The following EYS variants were observed in gnomAD, a reference collection of about 807,000 sequenced individuals.
The protein encoded by EYS is protein eyes shut homolog.
Under a neutral mutation model 282.1 loss-of-function variants are expected in EYS, and 250 were observed. The observed-to-expected ratio is 0.89, with a 90% CI of 0.80 to 0.98. The LOEUF is 0.98. Ranked by LOEUF, EYS falls within the 50% of genes least tolerant of loss-of-function variation. EYS has a pLI of 0.00. For missense variants in EYS, 4,016 were observed against 3,709.0 expected (o/e 1.08, Z -2.15); for synonymous variants, 1,355 against 1,282.9 (o/e 1.06, Z -1.20).
intron 5 of EYS, among the ~76,000 whole-genome samples, chr6:65,421,616 T>C (rs1369748765): frequency 6.6e-6 from 1 of 151,990 alleles, no homozygotes; most frequent in Non-Finnish European, 1.5e-5. Flanking sequence ...GCTTCTGGGC[T>C]ATCTGAGCTT....
At chr6:65,463,395 TA>T (rs1433230125) in intron 5 of EYS, among the ~76,000 whole-genome samples, 6 of 152,200 alleles carry the variant, frequency 3.9e-5, no homozygotes, top group African/African-American at 1.4e-4. Flanking sequence ...ACAATTGATA[TA>T]AAATTGGTAA....
chr6:65,699,842 C>T (rs559738507), intron 1 of EYS, among the ~76,000 whole-genome samples: 2 of 152,036 alleles, frequency 1.3e-5, no homozygotes, highest in Admixed American at 6.5e-5. Flanking sequence ...AGGCCGGGCG[C>T]GGTGGCTCAC....
At chr6:65,381,513 T>C (rs576408587) in intron 8 of EYS, among the ~76,000 whole-genome samples, 4 of 151,918 alleles carry the variant, frequency 2.6e-5, no homozygotes, top group African/African-American at 7.2e-5. Flanking sequence ...AAATACCTAA[T>C]GCATGTGGGG....
At chr6:64,735,759 T>C (rs1480663446) in intron 22 of EYS, among the ~76,000 whole-genome samples, 1 of 152,128 alleles carries the variant, frequency 6.6e-6, no homozygotes, top group Non-Finnish European at 1.5e-5. Flanking sequence ...GACATAAATG[T>C]AGTTTGGCTA....
chr6:65,609,565 C>A (rs1765921338), intron 2 of EYS, among the ~76,000 whole-genome samples: 1 of 151,848 alleles, frequency 6.6e-6, no homozygotes, highest in Admixed American at 6.6e-5. Context: ...TTTTTATTTC[C>A]TTTATTGCAT....
chr6:65,042,964 G>A (rs748044701), intron 13 of EYS, among the ~76,000 whole-genome samples: 5 of 151,282 alleles, frequency 3.3e-5, no homozygotes, highest in East Asian at 1.9e-4. Context: ...CTATGTAAAC[G>A]TGAATGTGTA....
chr6:64,444,591 T>A (rs575698940), intron 26 of EYS, among the ~76,000 whole-genome samples: 5 of 152,336 alleles, frequency 3.3e-5, no homozygotes, highest in African/African-American at 1.2e-4. Context: ...CTTGAGAGTA[T>A]GCTGGATTTA....
intron 12 of EYS, among the ~76,000 whole-genome samples, chr6:65,058,187 G>T (rs538057584): frequency 2.1e-4 from 32 of 152,080 alleles, no homozygotes; most frequent in Non-Finnish European, 4.3e-4. Context: ...ATCTCGCTCC[G>T]TCTCCCAGGC....
At chr6:65,022,980 T>C (rs961988094) in intron 13 of EYS, among the ~76,000 whole-genome samples, 6 of 151,976 alleles carry the variant, frequency 3.9e-5, no homozygotes, top group Admixed American at 3.3e-4. Context: ...ATGTCCAGAA[T>C]AGGAAAATTT....
intron 18 of EYS, among the ~76,000 whole-genome samples, chr6:64,887,444 CA>C (rs5876930): frequency 0.16 from 23,767 of 150,338 alleles, 2,180 homozygotes; most frequent in East Asian, 0.49. Flanking sequence ...AATAAACAAA[CA>C]AAAAAAAAGA....
intron 2 of EYS, among the ~76,000 whole-genome samples, chr6:65,529,862 A>T (rs1348262147): frequency 6.6e-6 from 1 of 152,130 alleles, no homozygotes; most frequent in Non-Finnish European, 1.5e-5. Context: ...GAGGAAGCAG[A>T]CCCTCACTAG....
At chr6:64,211,972 C>T (rs765543328) in intron 31 of EYS, among the ~76,000 whole-genome samples, 3 of 151,734 alleles carry the variant, frequency 2.0e-5, no homozygotes, top group East Asian at 3.9e-4. Context: ...AAAAATTAGC[C>T]GGGCGTGGTG....
At chr6:64,142,559 G>A (rs1198269972) in intron 31 of EYS, among the ~76,000 whole-genome samples, 3 of 152,126 alleles carry the variant, frequency 2.0e-5, no homozygotes, top group East Asian at 1.9e-4. Context: ...GGCCAGGTAC[G>A]CAGGAACCAG....
chr6:64,535,645 T>C (rs2149795944), intron 26 of EYS, among the ~76,000 whole-genome samples: 1 of 149,696 alleles, frequency 6.7e-6, no homozygotes, highest in Admixed American at 6.7e-5. Context: ...GAGGCTGAGG[T>C]AGGAGGAATG....
chr6:64,516,892 A>C (rs1246359694), intron 26 of EYS, among the ~76,000 whole-genome samples: 1 of 151,840 alleles, frequency 6.6e-6, no homozygotes, highest in East Asian at 1.9e-4. Flanking sequence ...GTTAAATATC[A>C]AAACTTATTT....
intron 8 of EYS, among the ~76,000 whole-genome samples, chr6:65,367,586 T>C (rs886662112): frequency 2.0e-5 from 3 of 151,814 alleles, no homozygotes; most frequent in Admixed American, 6.7e-5. Context: ...TCACTTCTTA[T>C]AGTTGTTTTA....
intron 28 of EYS, among the ~76,000 whole-genome samples, chr6:64,391,930 G>T (rs1477504446): frequency 6.6e-6 from 1 of 151,908 alleles, no homozygotes; most frequent in East Asian, 1.9e-4. Flanking sequence ...GATGGAGGAA[G>T]ATCTACCAAG....
Position 64,177,133 on chromosome 6 carries a change from T to C in EYS, c.6424+53459A>G, listed in dbSNP as rs140714013. Among the ~76,000 whole-genome samples, 1,129 of 151,760 alleles carry C rather than the reference T, an allele frequency of 7.4e-3. 5 individuals carry two copies. The highest frequency in any genetic ancestry group is 0.012 in the Non-Finnish European group (846 of 67,814). ...TTATCCCTGGAAGTAAAGCAAAACT[T>C]TATATTTTGTTCATAATTATCAAAG... On this transcript the variant is annotated intron_variant, in intron 31 of 42. Transcript: ENST00000503581.
At position 64,828,882 on chromosome 6, in the gene EYS, C is replaced by T. The variant is rs141062812; in HGVS notation, c.2993-6060G>A. The stretch of plus-strand genomic sequence containing the variant: ...TGAGGTTGGTTCATGGATGGGTTGA[C>T]TTGGTATATGGGTATAAACTGGAAA... On this transcript the variant is annotated intron_variant, in intron 19 of 42. Coordinates refer to ENST00000503581, the MANE Select transcript of EYS (RefSeq NM_001142800.2). Among the ~76,000 whole-genome samples, 256 of 152,016 alleles carry T rather than the reference C, an allele frequency of 1.7e-3. 1 individual carries two copies. Among genetic ancestry groups the T allele is most frequent in the African/African-American group, 5.9e-3 (245 of 41,532 alleles).
Sources: gnomAD v4.1 joint callset for allele counts (sites outside exome capture counted in the v4.1 genomes callset) on GRCh38, gnomAD v4.1.1 for gene constraint, MANE v1.5 for transcripts, NCBI Gene and HGNC (gene_info 2026-07-23, HGNC 2026-07-21) for gene names.